The following SUPT3H variants were observed in gnomAD, a reference collection of about 807,000 sequenced individuals.
The protein encoded by SUPT3H is SPT3 homolog, SAGA and STAGA complex component.
Under a neutral mutation model 44.3 loss-of-function variants are expected in SUPT3H, and 44 were observed. The observed-to-expected ratio is 0.99, with a 90% CI of 0.78 to 1.28. The LOEUF is 1.28. Ranked by LOEUF, SUPT3H falls within the 50% of genes most tolerant of loss-of-function variation. The pLI, the probability that SUPT3H is intolerant of heterozygous loss-of-function variation, is 0.00. For missense variants in SUPT3H, 380 were observed against 387.1 expected (o/e 0.98, Z 0.15); for synonymous variants, 124 against 125.6 (o/e 0.99, Z 0.09).
At chr6:45,300,759 TATACCTGATCGCAG>T (rs1482213867) in intron 2 of SUPT3H, among the ~76,000 whole-genome samples, 1 of 152,208 alleles carries the variant, frequency 6.6e-6, no homozygotes, top group African/African-American at 2.4e-5. Flanking sequence ...TTAAATTATG[TATACCTGATCGCAG>T]ATTTTTTAAA....
intron 2 of SUPT3H, among the ~76,000 whole-genome samples, chr6:45,127,853 T>C (rs576910347): frequency 1.3e-5 from 2 of 152,352 alleles, no homozygotes; most frequent in South Asian, 2.1e-4. Flanking sequence ...TAAATTTCTC[T>C]GTAGGCACAG....
rs114214663 is a variant in SUPT3H at position 45,375,950 on chromosome 6, G to C, written c.-1+1818C>G. On this transcript the variant is annotated intron_variant, in intron 1 of 10. Coordinates refer to ENST00000371459, the MANE Select transcript of SUPT3H (RefSeq NM_003599.4). The stretch of plus-strand genomic sequence containing the variant: ...AAAACTAGTTCTAAAATGTCCTAAT[G>C]CTCAAGAGTTACAATTTTTCAAATC... Among the ~76,000 whole-genome samples the C allele has an allele frequency of 2.6e-3, 390 of 152,072 alleles. 3 individuals carry two copies. Among genetic ancestry groups the C allele is most frequent in the African/African-American group, 8.6e-3 (356 of 41,464 alleles).
intron 2 of SUPT3H, among the ~76,000 whole-genome samples, chr6:45,149,029 G>A (rs1056197687): frequency 2.0e-5 from 3 of 152,080 alleles, no homozygotes. Context: ...TACACAATAT[G>A]TTTTTGGACA....
chr6:44,882,816 C>T (rs944452986), intron 10 of SUPT3H, among the ~76,000 whole-genome samples: 8 of 152,064 alleles, frequency 5.3e-5, no homozygotes, highest in Non-Finnish European at 7.4e-5. Flanking sequence ...GCAGAAAAGG[C>T]CTTCGATAAA....
chr6:45,282,064 C>G (rs561684734), intron 2 of SUPT3H, among the ~76,000 whole-genome samples: 343 of 152,260 alleles, frequency 2.3e-3, no homozygotes, highest in Non-Finnish European at 4.0e-3. Flanking sequence ...ACAGAAAGGA[C>G]ATCCACAACA....
intron 2 of SUPT3H, among the ~76,000 whole-genome samples, chr6:45,277,532 C>T (rs183353670): frequency 6.6e-5 from 10 of 152,192 alleles, no homozygotes; most frequent in African/African-American, 2.4e-4. Context: ...GGGCCACAGA[C>T]CCTCCAAAAC....
At chr6:44,838,769 G>A (rs542973850) in intron 10 of SUPT3H, among the ~76,000 whole-genome samples, 2 of 152,108 alleles carry the variant, frequency 1.3e-5, no homozygotes, top group African/African-American at 2.4e-5. Context: ...CTCTCTGTTG[G>A]CATTTATTTC....
chr6:44,902,559 T>G (rs1416323308), intron 10 of SUPT3H, among the ~76,000 whole-genome samples: 4 of 152,090 alleles, frequency 2.6e-5, no homozygotes, highest in Non-Finnish European at 4.4e-5. Flanking sequence ...ACAAAGAGAC[T>G]TAGACTCCCA....
intron 6 of SUPT3H, among the ~76,000 whole-genome samples, chr6:44,968,912 T>C (rs182504410): frequency 3.9e-5 from 6 of 152,172 alleles, no homozygotes; most frequent in Admixed American, 2.0e-4. Context: ...TAAAACCAAA[T>C]TTATTCTTTG....
At chr6:45,031,789 G>A (rs1413728153) in intron 3 of SUPT3H, among the ~76,000 whole-genome samples, 3 of 152,184 alleles carry the variant, frequency 2.0e-5, no homozygotes, top group Admixed American at 2.0e-4. Flanking sequence ...GCAGATGGGA[G>A]TCAATGCTCT....
At chr6:45,023,017 C>A (rs1027458936) in intron 3 of SUPT3H, among the ~76,000 whole-genome samples, 9 of 152,028 alleles carry the variant, frequency 5.9e-5, no homozygotes, top group Non-Finnish European at 1.2e-4. Flanking sequence ...ACTTCTCCTG[C>A]AAATTTTTGC....
chr6:45,293,585 A>G (rs983921507), intron 2 of SUPT3H, among the ~76,000 whole-genome samples: 1 of 152,168 alleles, frequency 6.6e-6, no homozygotes, highest in Non-Finnish European at 1.5e-5. Context: ...CTGAGAGACC[A>G]TTAACAAGAT....
chr6:44,884,188 T>C (rs935656190), intron 10 of SUPT3H, among the ~76,000 whole-genome samples: 1 of 151,988 alleles, frequency 6.6e-6, no homozygotes, highest in Non-Finnish European at 1.5e-5. Flanking sequence ...CATCAAAAAG[T>C]GGGCGAAGGA....
intron 2 of SUPT3H, among the ~76,000 whole-genome samples, chr6:45,262,524 A>G (rs1774541518): frequency 6.6e-6 from 1 of 152,166 alleles, no homozygotes; most frequent in African/African-American, 2.4e-5. Context: ...GATGGATTAA[A>G]GACTTAGATG....
At chr6:45,013,814 C>T (rs1443767846) in intron 5 of SUPT3H, among the ~76,000 whole-genome samples, 2 of 152,026 alleles carry the variant, frequency 1.3e-5, no homozygotes, top group East Asian at 3.9e-4. Context: ...ACTGGAGGGG[C>T]AAGCTACACT....
At chr6:44,869,230 T>C (rs1385721669) in intron 10 of SUPT3H, among the ~76,000 whole-genome samples, 5 of 152,158 alleles carry the variant, frequency 3.3e-5, no homozygotes, top group Middle Eastern at 6.8e-3. Flanking sequence ...GACTGCCTCC[T>C]TGGAAAGACA....
chr6:44,910,424 T>A (rs146458829), intron 10 of SUPT3H, among the ~76,000 whole-genome samples: 1,716 of 152,314 alleles, frequency 0.011, 15 homozygotes, highest in Non-Finnish European at 0.019. Flanking sequence ...TCCAATTAAA[T>A]GACAAAATTA....
At chr6:44,944,762 CAA>C (rs57506313) in intron 9 of SUPT3H, among the ~76,000 whole-genome samples, 3 of 29,890 alleles carry the variant, frequency 1.0e-4, no homozygotes, top group South Asian at 1.1e-3. Context: ...ACCCTCTCTC[CAA>C]AAAAAAAAAA....
intron 3 of SUPT3H, among the ~76,000 whole-genome samples, chr6:45,022,726 ACCT>A (rs1347392167): frequency 2.6e-5 from 4 of 151,772 alleles, no homozygotes; most frequent in Admixed American, 1.3e-4. Flanking sequence ...CCAAACTCTG[ACCT>A]CCTCTTCTCT....
Sources: allele counts gnomAD v4.1 joint callset (sites outside exome capture counted in the v4.1 genomes callset), GRCh38; gene constraint gnomAD v4.1.1; transcripts MANE v1.5; gene names NCBI Gene and HGNC (gene_info 2026-07-23, HGNC 2026-07-21).